The following FBH1 variants were observed in gnomAD, a reference collection of about 807,000 sequenced individuals.
FBH1 encodes F-box DNA helicase 1, also known as DNA 3'-5' helicase 1.
Under a neutral mutation model 115.5 loss-of-function variants are expected in FBH1, and 43 were observed. The observed-to-expected ratio is 0.37, with a 90% CI of 0.29 to 0.48. The LOEUF (loss-of-function observed/expected upper bound fraction) is 0.48. FBH1 is among the 20% of genes least tolerant of loss of function. The pLI, the probability that FBH1 is intolerant of heterozygous loss-of-function variation, is 0.99. For synonymous variants in FBH1, 524 were observed against 507.8 expected (o/e 1.03, Z -0.43); for missense variants, 1,001 against 1,337.3 (o/e 0.75, Z 3.92).
Position 5,915,619 on chromosome 10 carries a change from G to T in FBH1, c.1565+48G>T. The T allele has an allele frequency of 6.4e-7, 1 of 1,574,114 alleles. No individual in the cohort carries two copies. Among genetic ancestry groups the T allele is most frequent in the Non-Finnish European group, 8.7e-7 (1 of 1,149,914 alleles). On this transcript the variant is annotated intron_variant, in intron 9 of 20. Coordinates refer to ENST00000362091, the MANE Select transcript of FBH1 (RefSeq NM_178150.3). This position sits in a 1 kb window ranked among gnomAD's most constrained non-coding sequence, Gnocchi z 5.2. ...GCACTGTTGCTGCTGGCACGGTCGC[G>T]TCTTACTGTTTTCCCGTGACGATCA...
chr10:5,927,384 A>G, intron 18 of FBH1, 51 bp from the exon 19 acceptor site: 1 of 1,383,590 alleles, frequency 7.2e-7, no homozygotes, highest in Non-Finnish European at 1.0e-6. Flanking sequence ...AAGGTTTTGT[A>G]AGCTTTTCTA....
Position 5,936,562 on chromosome 10 carries a change from C to A in FBH1, c.2936C>A (p.Thr979Asn). 1 of 1,614,128 alleles carries A rather than the reference C, an allele frequency of 6.2e-7. No individual in the cohort carries two copies. Among genetic ancestry groups the A allele is most frequent in the Non-Finnish European group, 8.5e-7 (1 of 1,179,982 alleles). Residue 979 changes from threonine (T) to asparagine (N), a missense_variant, in exon 20 of 21, where the codon ACC becomes AAC. By Grantham distance (65) the Thr-to-Asn change is moderately conservative. Transcript: ENST00000362091. The surrounding 1 kb of genome is among the most constrained non-coding windows in gnomAD (Gnocchi z 5.6). ...GCCATCCCTGTTGACACCGTCCTTACCATGAAGAAGCTGCCCATCACCTAT... is the reference window on the plus strand; with the variant it reads ...GCCATCCCTGTTGACACCGTCCTTAACATGAAGAAGCTGCCCATCACCTAT... ...NNAIPVDTVL[T>N]MKKLPITYSN...
chr10:5,921,324 A>G lies in FBH1; in HGVS notation c.2167A>G (p.Arg723Gly). 6.2e-7 allele frequency: 1 copy of G among 1,614,248 alleles called. No homozygotes were observed. The highest frequency in any genetic ancestry group is 8.5e-7 in the Non-Finnish European group (1 of 1,180,042). The change falls in exon 14 of 21, where the codon AGG becomes GGG. Residue 723 changes from arginine (R) to glycine (G), a missense_variant. Around this residue, in one of 4 missense-constraint regions of FBH1, gnomAD observed 521 missense variants for 811.0 expected, o/e 0.64. Coordinates refer to ENST00000362091, the MANE Select transcript of FBH1 (RefSeq NM_178150.3). This position sits in a 1 kb window ranked among gnomAD's most constrained non-coding sequence, Gnocchi z 6.4. ...TATCTTGGATGTTTGCAAGAGAGTC[A>G]GGAAAAAGACTTTGGTTGGAGGAAA... ...ATILDVCKRVRKKTLVGGNHQ... is the reference protein window; with the variant it reads ...ATILDVCKRVGKKTLVGGNHQ...
At position 5,917,721 on chromosome 10, in the gene FBH1, C is replaced by T. The variant is rs1398980552; in HGVS notation, c.1963+45C>T. 2 of 1,450,862 alleles carry T rather than the reference C, an allele frequency of 1.4e-6. No individual in the cohort carries two copies. Among genetic ancestry groups the T allele is most frequent in the East Asian group, 2.3e-5 (1 of 43,800 alleles). The allele number at this position is 1,450,862 out of a possible 1,614,324, so 89.9% of individuals were successfully genotyped here. A position where few individuals can be genotyped will look rare whatever the true frequency, so the allele number is the denominator to read the frequency against. On this transcript the variant is annotated intron_variant, in intron 12 of 20. Coordinates refer to ENST00000362091, the MANE Select transcript of FBH1 (RefSeq NM_178150.3). The surrounding 1 kb of genome is among the most constrained non-coding windows in gnomAD (Gnocchi z 5.6). The stretch of plus-strand genomic sequence containing the variant: ...ATCAGTAGTGTCAAATACGTAGAAA[C>T]AGCGCCATGATTATGTAAGAGGACA...
chr10:5,897,424 C>T lies in FBH1; in HGVS notation c.2-5596C>T, dbSNP rs1843075641. Among the ~76,000 whole-genome samples, 1 of 151,906 alleles carries T rather than the reference C, an allele frequency of 6.6e-6. No homozygotes were observed. The highest frequency in any genetic ancestry group is 6.6e-5 in the Admixed American group (1 of 15,254). ...GGAGGTGGACACAGGGCTCCTGGCT[C>T]CCAGTTCAGAGCATCACAGCACCTC... On this transcript the variant is annotated intron_variant, in intron 1 of 20. Coordinates refer to ENST00000362091, the MANE Select transcript of FBH1 (RefSeq NM_178150.3). This position sits in a 1 kb window ranked among gnomAD's most constrained non-coding sequence, Gnocchi z 4.7.
rs1227633078 is a variant in FBH1 at position 5,918,487 on chromosome 10, G to A, written c.2100+9G>A. On this transcript the variant is annotated intron_variant, in intron 13 of 20. Coordinates refer to ENST00000362091, the MANE Select transcript of FBH1 (RefSeq NM_178150.3). The surrounding 1 kb of genome is among the most constrained non-coding windows in gnomAD (Gnocchi z 4.0). Reference sequence around the variant, plus strand: ...TCTTCTATCTCACGCAGGTAAGTGCGCACTCTGCATGGGAGGCATTGCATC... The same window carrying A: ...TCTTCTATCTCACGCAGGTAAGTGCACACTCTGCATGGGAGGCATTGCATC... 9 of 1,584,504 alleles carry A rather than the reference G, an allele frequency of 5.7e-6. No homozygotes were observed. The highest frequency in any genetic ancestry group is 1.7e-4 in the Middle Eastern group (1 of 5,826).
In FBH1 at chr10:5,917,575, C is replaced by G; in HGVS notation, c.1877-15C>G. On this transcript the variant is annotated splice_polypyrimidine_tract_variant and intron_variant, in intron 11 of 20. Transcript: ENST00000362091. The surrounding 1 kb of genome is among the most constrained non-coding windows in gnomAD (Gnocchi z 5.6). ...CTTCCTGGCGTTACAACTCCTGCGT[C>G]TCTCCTTATTTTAGGCTACTTGAAA... 2 of 1,614,060 alleles carry G rather than the reference C, an allele frequency of 1.2e-6. No individual in the cohort carries two copies. The highest frequency in any genetic ancestry group is 2.2e-5 in the East Asian group (1 of 44,878).
At chr10:5,912,118 T>C (rs1194539664) in intron 6 of FBH1, among the ~76,000 whole-genome samples, 1 of 152,000 alleles carries the variant, frequency 6.6e-6, no homozygotes, top group African/African-American at 2.4e-5. Context: ...TCCAGCACTT[T>C]GGGAGGCGAG....
rs1443840849 is a variant in FBH1, at chr10:5,924,851, C to T, written c.2596+343C>T. 4.8e-6 allele frequency: 2 copies of T among 418,434 alleles called. No homozygotes were observed. Among genetic ancestry groups the T allele is most frequent in the South Asian group, 1.8e-5 (1 of 55,194 alleles). 25.9% of individuals were successfully genotyped at this position (418,434 alleles called of 1,614,324 possible). On this transcript the variant is annotated intron_variant, in intron 17 of 20. Transcript: ENST00000362091. This position sits in a 1 kb window ranked among gnomAD's most constrained non-coding sequence, Gnocchi z 6.2. ...AAAGTGCTAGAATTACAGGCGTGAG[C>T]CACTGCGCCCAGCCTCTTCTGCTGT...
upstream of FBH1, chr10:5,889,616 A>G (rs947786940): frequency 1.6e-4 from 34 of 214,242 alleles, no homozygotes; most frequent in Non-Finnish European, 2.7e-4. Flanking sequence ...GGTTCCGGGC[A>G]CGGGGCGGTT....
intron 3 of FBH1, among the ~76,000 whole-genome samples, chr10:5,907,600 A>G (rs758085805): frequency 6.6e-6 from 1 of 150,828 alleles, no homozygotes; most frequent in African/African-American, 2.4e-5. Flanking sequence ...TAGCCTCCCA[A>G]GTAGCTGGGA....
At chr10:5,926,327 T>C (rs1331723464) in intron 18 of FBH1, among the ~76,000 whole-genome samples, 1 of 152,074 alleles carries the variant, frequency 6.6e-6, no homozygotes, top group African/African-American at 2.4e-5. Context: ...TTGGCCAGTC[T>C]GGTCTCGAAC....
At position 5,937,478 on chromosome 10, in the gene FBH1, G is replaced by T; in HGVS notation, c.*198G>T. ...GCCAGTCTCCACTTGCCTCCCCTCT[G>T]GATGTATCTGGTCAGGGAAGTGGGG... On this transcript the variant is annotated 3_prime_UTR_variant, in exon 21 of 21. Transcript: ENST00000362091. The T allele has an allele frequency of 2.2e-6, 1 of 446,022 alleles. No homozygotes were observed. The allele number at this position is 446,022 out of a possible 1,614,324, so 27.6% of individuals were successfully genotyped here.
rs148334910 is a variant in FBH1, at chr10:5,909,069, G to A, written c.884+14G>A. On this transcript the variant is annotated intron_variant, in intron 4 of 20. Transcript: ENST00000362091. The surrounding 1 kb of genome is among the most constrained non-coding windows in gnomAD (Gnocchi z 4.4). ...GAACCTCATACGGTGAGCTTTGCCT[G>A]TGCTGTAAAGAAGGCGTCTTTGAAG... 5.4e-4 allele frequency: 865 copies of A among 1,614,066 alleles called. 6 individuals carry two copies. The African/African-American group carries it at 0.01, about 19-fold the overall frequency.
Position 5,900,782 on chromosome 10 carries a change from C to T in FBH1, c.2-2238C>T, listed in dbSNP as rs1843299845. Among the ~76,000 whole-genome samples, 1 of 152,050 alleles carries T rather than the reference C, an allele frequency of 6.6e-6. No homozygotes were observed. Among genetic ancestry groups the T allele is most frequent in the Non-Finnish European group, 1.5e-5 (1 of 68,008 alleles). On this transcript the variant is annotated intron_variant, in intron 1 of 20. Coordinates refer to ENST00000362091, the MANE Select transcript of FBH1 (RefSeq NM_178150.3). The surrounding 1 kb of genome is among the most constrained non-coding windows in gnomAD (Gnocchi z 4.2). The stretch of plus-strand genomic sequence containing the variant: ...ATCAGCTAAATCACTGGGGTCTTGG[C>T]TTTATGTATTTTCAAGCTTAAAGGA...
Position 5,915,813 on chromosome 10 carries a change from A to G in FBH1, c.1565+242A>G. 3.8e-6 allele frequency: 2 copies of G among 532,472 alleles called. No individual in the cohort carries two copies. Among genetic ancestry groups the G allele is most frequent in the African/African-American group, 1.9e-5 (1 of 52,792 alleles). 33.0% of individuals were successfully genotyped at this position (532,472 alleles called of 1,614,324 possible). ...AGGGGTGTTCTCATGGAAGTGAGGC[A>G]CAGAAAGTCAAAATGACTTGCTTAA... On this transcript the variant is annotated intron_variant, in intron 9 of 20. Coordinates refer to ENST00000362091, the MANE Select transcript of FBH1 (RefSeq NM_178150.3). This position sits in a 1 kb window ranked among gnomAD's most constrained non-coding sequence, Gnocchi z 5.2.
rs371218226 is a variant in FBH1 at position 5,927,401 on chromosome 10, T to C, written c.2723-34T>C. 62 of 1,512,370 alleles carry C rather than the reference T, an allele frequency of 4.1e-5. 1 individual carries two copies. In the East Asian group the frequency reaches 4.5e-4, roughly 11 times the overall value. 93.7% of individuals were successfully genotyped at this position (1,512,370 alleles called of 1,614,324 possible). A position where few individuals can be genotyped will look rare whatever the true frequency, so the allele number is the denominator to read the frequency against. On this transcript the variant is annotated intron_variant, in intron 18 of 20. Coordinates refer to ENST00000362091, the MANE Select transcript of FBH1 (RefSeq NM_178150.3). ...GGTTTTGTAAGCTTTTCTAAGGCTTTTTAGTTGATTTTTTTCCCCTTTACT... is the reference window on the plus strand; with the variant it reads ...GGTTTTGTAAGCTTTTCTAAGGCTTCTTAGTTGATTTTTTTCCCCTTTACT...
Position 5,924,463 on chromosome 10 carries a change from G to A in FBH1, c.2551G>A (p.Val851Met), listed in dbSNP as rs1261782276. The A allele has an allele frequency of 6.2e-7, 1 of 1,614,136 alleles. No homozygotes were observed. Among genetic ancestry groups the A allele is most frequent in the Non-Finnish European group, 8.5e-7 (1 of 1,179,984 alleles). ...EKYNIRIPEL[V>M]QRIEKCHIED... ...GTATAACATCAGGATTCCAGAGCTGGTGCAAAGGATAGAAAAATGCCATAT... is the reference window on the plus strand; with the variant it reads ...GTATAACATCAGGATTCCAGAGCTGATGCAAAGGATAGAAAAATGCCATAT... The change falls in exon 17 of 21, where the codon GTG becomes ATG. Residue 851 changes from valine (V) to methionine (M), a missense_variant. Coordinates refer to ENST00000362091, the MANE Select transcript of FBH1 (RefSeq NM_178150.3). This position sits in a 1 kb window ranked among gnomAD's most constrained non-coding sequence, Gnocchi z 6.2.
chr10:5,912,691 C>T (rs1174815723), intron 6 of FBH1, among the ~76,000 whole-genome samples: 1 of 152,220 alleles, frequency 6.6e-6, no homozygotes, highest in Non-Finnish European at 1.5e-5. Context: ...CGCATCCCCA[C>T]AGGGTGGAGA....
Sources: gnomAD v4.1 joint callset for allele counts (sites outside exome capture counted in the v4.1 genomes callset) on GRCh38, gnomAD v4.1.1 for gene constraint, gnomAD v4.1.1 regional missense constraint, Gnocchi (gnomAD v3.1) non-coding constraint, MANE v1.5 for transcripts, NCBI Gene and HGNC (gene_info 2026-07-23, HGNC 2026-07-21) for gene names.